TRIM35: variants seen among roughly 807,000 people sequenced by gnomAD.
TRIM35 encodes E3 ubiquitin-protein ligase TRIM35.
Under a neutral mutation model 49.1 loss-of-function variants are expected in TRIM35, and 37 were observed. That is an observed-to-expected ratio of 0.75 (90% CI 0.58 to 0.99). The LOEUF is 0.99. Ranked by LOEUF, TRIM35 falls within the 50% of genes least tolerant of loss-of-function variation. The probability of loss-of-function intolerance (pLI) is 0.00; values close to 1 mark genes in which losing one functional copy is unlikely to be tolerated. For synonymous variants in TRIM35, 302 were observed against 289.3 expected (o/e 1.04, Z -0.45); for missense variants, 648 against 702.7 (o/e 0.92, Z 0.88).
chr8:27,300,473 C>G (rs1015277487), intron 1 of TRIM35, among the ~76,000 whole-genome samples: 4 of 152,026 alleles, frequency 2.6e-5, no homozygotes, highest in East Asian at 3.9e-4. Context: ...GCAGAGGCAC[C>G]CAGAGCTAAG....
intron 1 of TRIM35, among the ~76,000 whole-genome samples, chr8:27,309,388 G>A (rs1001158430): frequency 6.6e-6 from 1 of 152,204 alleles, no homozygotes; most frequent in African/African-American, 2.4e-5. Flanking sequence ...AAAGATGACA[G>A]GAGTAACAGG....
rs34388696 is a variant in TRIM35, at chr8:27,285,666, TA to T, written c.*1883del. 0.37 allele frequency: 38,110 copies of T among 102,208 alleles called. 6,350 individuals are homozygous for T. The highest frequency in any genetic ancestry group is 0.46 in the Non-Finnish European group (23,442 of 51,446). 6.3% of individuals were successfully genotyped at this position (102,208 alleles called of 1,614,324 possible). ...GCCTAGCCTGCTCAAGTTATCCTGT[TA>T]AAAAAAAAAAAAAAAAAAAAACTCT... On this transcript the variant is annotated 3_prime_UTR_variant, in exon 6 of 6. Transcript: ENST00000305364.
At position 27,311,129 on chromosome 8, in the gene TRIM35, C is replaced by T. The variant is rs1195465299; in HGVS notation, c.107G>A (p.Cys36Tyr). Residue 36 changes from cysteine to tyrosine, a missense_variant, in exon 1 of 6, where the codon TGC (cysteine) becomes TAC (tyrosine). Coordinates refer to ENST00000305364, the MANE Select transcript of TRIM35 (RefSeq NM_171982.5). ...DPFRDAVTLR[C>Y]GHNFCRGCVS... The stretch of plus-strand genomic sequence containing the variant: ...GCACCCGCGGCAGAAGTTGTGGCCG[C>T]AGCGCAGAGTGACTGCGTCGCGGAA... The T allele has an allele frequency of 1.9e-6, 3 of 1,602,060 alleles. No homozygotes were observed. In the South Asian group the frequency reaches 3.4e-5, roughly 18 times the overall value.
At position 27,290,140 on chromosome 8, in the gene TRIM35, A is replaced by G. The variant is rs372132003; in HGVS notation, c.785+16T>C. The stretch of plus-strand genomic sequence containing the variant: ...GCCCACTCTTCCCCTCCCCTCCACC[A>G]GCTTTGGCAACTTACCGGCGTTTTC... On this transcript the variant is annotated intron_variant, in intron 4 of 5. Transcript: ENST00000305364. 5 of 1,613,932 alleles carry G rather than the reference A, an allele frequency of 3.1e-6. No homozygotes were observed. The African/African-American group carries it at 6.7e-5, about 22-fold the overall frequency.
chr8:27,305,938 G>A lies in TRIM35; in HGVS notation c.435+4863C>T, dbSNP rs371929337. 1.2e-3 allele frequency among the ~76,000 whole-genome samples: 183 copies of A among 152,294 alleles called. 7 individuals carry two copies. The South Asian group carries it at 0.037, about 31-fold the overall frequency. On this transcript the variant is annotated intron_variant, in intron 1 of 5. Coordinates refer to ENST00000305364, the MANE Select transcript of TRIM35 (RefSeq NM_171982.5). ...TGCACCCTCGAATGCCTGGCCTCAA[G>A]CAATCCTCCCATCTCAGCCCCTCGA... is the stretch of plus-strand genomic sequence containing the variant.
intron 1 of TRIM35, among the ~76,000 whole-genome samples, chr8:27,303,082 TAATC>T (rs1802711945): frequency 6.6e-6 from 1 of 152,232 alleles, no homozygotes; most frequent in African/African-American, 2.4e-5. Context: ...TAGATATACT[TAATC>T]AAACTAATGA....
rs1802926993 is a variant in TRIM35, at chr8:27,310,906, G to A, written c.330C>T (p.Leu110=). 1 of 1,612,804 alleles carries A rather than the reference G, an allele frequency of 6.2e-7. No homozygotes were observed. The highest frequency in any genetic ancestry group is 1.3e-5 in the African/African-American group (1 of 74,944). Residue 110 remains leucine (L), a synonymous_variant, in exon 1 of 6, where the codon CTC becomes CTT. Coordinates refer to ENST00000305364, the MANE Select transcript of TRIM35 (RefSeq NM_171982.5). The stretch of plus-strand genomic sequence containing the variant: ...GCAGCTCCTTGTCCTCGAGGCAGAA[G>A]AGGCTGAGCTGTCCGCGGTGCAGGC... ...VCRLHRGQLS[L]FCLEDKELLC... is the part of the protein sequence containing the mutation.
At chr8:27,290,594 C>T (rs777843401) in intron 3 of TRIM35, among the ~76,000 whole-genome samples, 24 of 152,156 alleles carry the variant, frequency 1.6e-4, no homozygotes, top group Non-Finnish European at 3.4e-4. Context: ...ACTTCCTGGC[C>T]TCACCCAGAA....
At chr8:27,296,301 T>C (rs1178591346) in intron 2 of TRIM35, among the ~76,000 whole-genome samples, 2 of 152,122 alleles carry the variant, frequency 1.3e-5, no homozygotes, top group Non-Finnish European at 2.9e-5. Flanking sequence ...ATTAGCTATT[T>C]ATCCTGATGC....
chr8:27,287,307 T>A lies in TRIM35; in HGVS notation c.*243A>T, dbSNP rs1802343802. ...ATTCAGAAAATTCACATTGTGGAGGTGCCACGACTCGGGAGAGCCTGGCCA... is the reference window on the plus strand; with the variant it reads ...ATTCAGAAAATTCACATTGTGGAGGAGCCACGACTCGGGAGAGCCTGGCCA... On this transcript the variant is annotated 3_prime_UTR_variant, in exon 6 of 6. Coordinates refer to ENST00000305364, the MANE Select transcript of TRIM35 (RefSeq NM_171982.5). This position sits in a 1 kb window ranked among gnomAD's most constrained non-coding sequence, Gnocchi z 6.0. 4.0e-6 allele frequency: 2 copies of A among 499,654 alleles called. No homozygotes were observed. The highest frequency in any genetic ancestry group is 7.1e-6 in the Non-Finnish European group (2 of 283,148). 31.0% of individuals were successfully genotyped at this position (499,654 alleles called of 1,614,324 possible). A position where few individuals can be genotyped will look rare whatever the true frequency, so the allele number is the denominator to read the frequency against.
rs749839108 is a variant in TRIM35, at chr8:27,294,074, C to T, written c.762+6G>A. The T allele has an allele frequency of 5.0e-6, 8 of 1,613,578 alleles. No homozygotes were observed. Among genetic ancestry groups the T allele is most frequent in the Non-Finnish European group, 6.8e-6 (8 of 1,179,884 alleles). On this transcript the variant is annotated splice_donor_region_variant and intron_variant, in intron 3 of 5. Coordinates refer to ENST00000305364, the MANE Select transcript of TRIM35 (RefSeq NM_171982.5). ...TGTCACTGAATCCAGACGCTGAGCT[C>T]CTTACCATGAGAAAAGAAACGTCGT... is the stretch of plus-strand genomic sequence containing the variant.
intron 2 of TRIM35, among the ~76,000 whole-genome samples, chr8:27,296,087 G>A (rs777509515): frequency 8.6e-5 from 13 of 151,340 alleles, no homozygotes; most frequent in Admixed American, 2.6e-4. Flanking sequence ...AAACAGCATG[G>A]TTAACCTATC....
chr8:27,286,859 G>A lies in TRIM35; in HGVS notation c.*691C>T, dbSNP rs540491106. On this transcript the variant is annotated 3_prime_UTR_variant, in exon 6 of 6. Coordinates refer to ENST00000305364, the MANE Select transcript of TRIM35 (RefSeq NM_171982.5). ...TGGAAACCAACTAATCCGGAGCGAT[G>A]GCGCCAGCTGCCTCCTTCACATGGC... is the stretch of plus-strand genomic sequence containing the variant. 6.5e-6 allele frequency: 1 copy of A among 152,788 alleles called. No individual in the cohort carries two copies. The highest frequency in any genetic ancestry group is 2.1e-4 in the South Asian group (1 of 4,828). The allele number at this position is 152,788 out of a possible 1,614,324, so 9.5% of individuals were successfully genotyped here.
intron 2 of TRIM35, among the ~76,000 whole-genome samples, chr8:27,296,356 C>T (rs139482820): frequency 1.4e-4 from 22 of 152,286 alleles, no homozygotes; most frequent in African/African-American, 4.8e-4. Flanking sequence ...ACATCAAGAA[C>T]ACAGCATGGC....
intron 3 of TRIM35, 65 bp downstream of exon 3, chr8:27,294,015 T>C: frequency 2.6e-6 from 4 of 1,530,084 alleles, no homozygotes; most frequent in Non-Finnish European, 3.6e-6. Flanking sequence ...GCTGGTGGGC[T>C]ATGGCTCCCA....
chr8:27,286,240 G>A lies in TRIM35; in HGVS notation c.*1310C>T. 4 of 450,920 alleles carry A rather than the reference G, an allele frequency of 8.9e-6. No individual in the cohort carries two copies. Among genetic ancestry groups the A allele is most frequent in the South Asian group, 4.7e-5 (3 of 63,832 alleles). 27.9% of individuals were successfully genotyped at this position (450,920 alleles called of 1,614,324 possible). A position where few individuals can be genotyped will look rare whatever the true frequency, so the allele number is the denominator to read the frequency against. ...ATGTGCGAGAAAAAACAAGCCCAGG[G>A]AAAAGTCTGCAGGCATGGTGGAGGA... On this transcript the variant is annotated 3_prime_UTR_variant, in exon 6 of 6. Coordinates refer to ENST00000305364, the MANE Select transcript of TRIM35 (RefSeq NM_171982.5).
intron 1 of TRIM35, 79 bp downstream of exon 1, chr8:27,310,722 G>T: frequency 6.9e-7 from 1 of 1,453,478 alleles, no homozygotes; most frequent in Non-Finnish European, 9.2e-7. Context: ...TGGCAGGCAG[G>T]AGGGGCGGGA....
In TRIM35 at chr8:27,311,215, C is replaced by T. The variant is rs1227791420; in HGVS notation, c.21G>A (p.Val7=). 1 of 1,570,754 alleles carries T rather than the reference C, an allele frequency of 6.4e-7. No individual in the cohort carries two copies. Among genetic ancestry groups the T allele is most frequent in the Non-Finnish European group, 8.7e-7 (1 of 1,154,816 alleles). ...TGAAGGAGCGGGAAGGCCCGGGGGA[C>T]ACGTCGGGACTCCGCTCCATGGCAC... MERSPD[V]SPGPSRSFKE... Residue 7 remains valine (V), a synonymous_variant, in exon 1 of 6, where the codon GTG becomes GTA. Coordinates refer to ENST00000305364, the MANE Select transcript of TRIM35 (RefSeq NM_171982.5).
chr8:27,288,648 C>T (rs1802388698), intron 5 of TRIM35, among the ~76,000 whole-genome samples: 2 of 152,146 alleles, frequency 1.3e-5, no homozygotes, highest in Admixed American at 6.5e-5. Flanking sequence ...AGAGAGTCAA[C>T]TTCTGTCATT....
Sources: gnomAD v4.1 joint callset for allele counts (sites outside exome capture counted in the v4.1 genomes callset) on GRCh38, gnomAD v4.1.1 for gene constraint, Gnocchi (gnomAD v3.1) non-coding constraint, MANE v1.5 for transcripts, NCBI Gene and HGNC (gene_info 2026-07-23, HGNC 2026-07-21) for gene names.